Variants in GALNT13 observed in about 807,000 individuals in gnomAD.
GALNT13 encodes UDP-GalNAc:polypeptide N-acetylgalactosaminyltransferase 13.
GALNT13 carries 28 observed loss-of-function variants against 64.2 expected under a neutral mutation model. The observed-to-expected ratio is 0.44, with a 90% confidence interval of 0.32 to 0.60. GALNT13 has a LOEUF of 0.60. GALNT13 is among the 20% of genes least tolerant of loss of function. The probability of loss-of-function intolerance (pLI) is 0.05; values close to 1 mark genes in which losing one functional copy is unlikely to be tolerated. For missense variants in GALNT13, 577 were observed against 669.8 expected, an observed-to-expected ratio of 0.86 and a Z score of 1.53; for synonymous variants, 214 against 224.6, an observed-to-expected ratio of 0.95 and a Z score of 0.42.
At chr2:153,195,751 G>T in the GALNT13 span, among the ~76,000 whole-genome samples, 1 of 152,204 alleles carries the variant, frequency 6.6e-6, no homozygotes, top group Non-Finnish European at 1.5e-5. Flanking sequence ...ACCATTCAGC[G>T]GGTCCCGAGT....
At chr2:154,437,572 T>C in intron 11 of GALNT13, 1 of 1,284,384 alleles carries the variant, frequency 7.8e-7, no homozygotes, top group Non-Finnish European at 1.0e-6. Context: ...ATAACCCTCA[T>C]GAGGCTGGGC....
In GALNT13 at chr2:154,018,341, T is replaced by C. The variant is rs866544038; in HGVS notation, c.142+73702T>C. On this transcript the variant is annotated intron_variant, in intron 3 of 12. Transcript: ENST00000392825. ...AAATGCAATTAAAGTAGCCACTTCC[T>C]CCAGCTACCTGGACACAGTAATTGT... Among the ~76,000 whole-genome samples the C allele has an allele frequency of 3.3e-5, 5 of 152,316 alleles. No individual in the cohort carries two copies. In the South Asian group the frequency reaches 8.3e-4, roughly 25 times the overall value.
chr2:153,798,609 C>T, the GALNT13 span, among the ~76,000 whole-genome samples: 1 of 152,100 alleles, frequency 6.6e-6, no homozygotes, highest in African/African-American at 2.4e-5. Flanking sequence ...CCAATTACCT[C>T]CTGTTTCCTA....
chr2:154,289,308 C>T (rs896978948), intron 8 of GALNT13, among the ~76,000 whole-genome samples: 11 of 152,184 alleles, frequency 7.2e-5, no homozygotes, highest in African/African-American at 2.4e-4. Flanking sequence ...AGTCTCCAGG[C>T]TTGTGATGGT....
At chr2:154,295,342 T>TTTGTA (rs1692855479) in intron 8 of GALNT13, among the ~76,000 whole-genome samples, 1 of 148,680 alleles carries the variant, frequency 6.7e-6, no homozygotes, top group African/African-American at 2.5e-5. Flanking sequence ...TTGAAAATTC[T>TTTGTA]TTTTATTTTA....
At chr2:153,969,196 G>A (rs1257487041) in intron 3 of GALNT13, among the ~76,000 whole-genome samples, 1 of 151,814 alleles carries the variant, frequency 6.6e-6, no homozygotes, top group African/African-American at 2.4e-5. Context: ...ATTTTTTGAG[G>A]ATTAAAGAGG....
intron 3 of GALNT13, among the ~76,000 whole-genome samples, chr2:154,110,380 G>C (rs1702911979): frequency 3.1e-5 from 4 of 129,610 alleles, no homozygotes; most frequent in African/African-American, 8.8e-5. Context: ...GAGAGAGACA[G>C]AGAGAGAGAG....
the GALNT13 span, among the ~76,000 whole-genome samples, chr2:153,535,438 G>A: frequency 6.6e-6 from 1 of 152,156 alleles, no homozygotes; most frequent in African/African-American, 2.4e-5. Context: ...GTGTAAACCG[G>A]CAGTGTAAAC....
chr2:153,646,611 C>A, the GALNT13 span, among the ~76,000 whole-genome samples: 2 of 152,014 alleles, frequency 1.3e-5, no homozygotes, highest in East Asian at 3.9e-4. Flanking sequence ...ATCTCTCCCC[C>A]CTCCCCCTAC....
chr2:153,270,266 AAG>A, the GALNT13 span, among the ~76,000 whole-genome samples: 1 of 151,974 alleles, frequency 6.6e-6, no homozygotes, highest in Admixed American at 6.6e-5. Context: ...TTAGGTACTA[AAG>A]AGTTCATGGT....
chr2:154,229,864 G>A (rs1428057678), intron 4 of GALNT13, among the ~76,000 whole-genome samples: 2 of 152,104 alleles, frequency 1.3e-5, no homozygotes, highest in African/African-American at 4.8e-5. Flanking sequence ...ATCCTGTGAA[G>A]CCTTTAGACT....
chr2:154,171,373 A>G (rs998510642), intron 4 of GALNT13, among the ~76,000 whole-genome samples: 19 of 152,144 alleles, frequency 1.2e-4, no homozygotes, highest in African/African-American at 4.3e-4. Context: ...CTTGAACGAC[A>G]ATATGTAGAA....
At chr2:153,935,487 C>T (rs1374796598) in intron 2 of GALNT13, among the ~76,000 whole-genome samples, 1 of 152,196 alleles carries the variant, frequency 6.6e-6, no homozygotes, top group Non-Finnish European at 1.5e-5. Flanking sequence ...GTTTACATGG[C>T]ATAAGCCAAA....
the GALNT13 span, among the ~76,000 whole-genome samples, chr2:153,097,895 CTCTCTGCTAGAAAT>C: frequency 6.6e-6 from 1 of 152,062 alleles, no homozygotes; most frequent in Non-Finnish European, 1.5e-5. Context: ...GTGAAACCCC[CTCTCTGCTAGAAAT>C]TCAAAAATTA....
chr2:153,169,979 T>C, the GALNT13 span, among the ~76,000 whole-genome samples: 1 of 152,206 alleles, frequency 6.6e-6, no homozygotes, highest in South Asian at 2.1e-4. Context: ...AATATGTTTG[T>C]TTAAAACCAA....
chr2:153,187,599 A>G, the GALNT13 span: 19 of 152,260 alleles, frequency 1.2e-4, 1 homozygote, highest in Admixed American at 1.1e-3. Flanking sequence ...ATAGTGAAAC[A>G]TGAGACCTCC....
chr2:154,048,063 T>C (rs1030335739), intron 3 of GALNT13, among the ~76,000 whole-genome samples: 2 of 152,190 alleles, frequency 1.3e-5, no homozygotes, highest in Non-Finnish European at 2.9e-5. Flanking sequence ...CTTCTACTTC[T>C]AGGAAGGCCT....
At chr2:153,718,533 G>A in the GALNT13 span, among the ~76,000 whole-genome samples, 3 of 152,044 alleles carry the variant, frequency 2.0e-5, no homozygotes, top group Admixed American at 6.6e-5. Context: ...GGAGTTTGAG[G>A]CTCATAAAAG....
the GALNT13 span, among the ~76,000 whole-genome samples, chr2:153,651,400 A>G: frequency 1.3e-5 from 2 of 152,176 alleles, no homozygotes; most frequent in African/African-American, 2.4e-5. Context: ...GTTACTTGTA[A>G]CATTGTGATT....
Sources: allele counts gnomAD v4.1 joint callset (sites outside exome capture counted in the v4.1 genomes callset), GRCh38; gene constraint gnomAD v4.1.1; transcripts MANE v1.5; gene names NCBI Gene and HGNC (gene_info 2026-07-23, HGNC 2026-07-21).